Variants in DAPK1 observed in about 807,000 individuals in gnomAD.
DAPK1 encodes the protein death-associated protein kinase 1.
DAPK1 carries 56 observed loss-of-function variants against 144.9 expected under a neutral mutation model. The ratio of observed to expected loss-of-function variants is 0.39; its 90% CI spans 0.31 to 0.48. The LOEUF (loss-of-function observed/expected upper bound fraction) is 0.48, where lower values mean the gene tolerates loss of function less well. Ranked by LOEUF, DAPK1 falls within the 20% of genes least tolerant of loss-of-function variation. The pLI, the probability that DAPK1 is intolerant of heterozygous loss-of-function variation, is 0.95. For synonymous variants in DAPK1, 690 were observed against 749.0 expected, an observed-to-expected ratio of 0.92 and a Z score of 1.29; for missense variants, 1,454 against 1,875.4, an observed-to-expected ratio of 0.78 and a Z score of 4.15.
chr9:87,620,012 C>T lies in DAPK1; in HGVS notation c.284+14837C>T, dbSNP rs17053237. Among the ~76,000 whole-genome samples the T allele has an allele frequency of 3.8e-4, 58 of 150,952 alleles. No individual in the cohort carries two copies. The East Asian group carries it at 0.011, about 29-fold the overall frequency. ...TTACTCTGGCATGCATGGGCCCAGA[C>T]AGACGATGCTGTTGAAAAGGAGATC... On this transcript the variant is annotated intron_variant, in intron 3 of 25. Transcript: ENST00000408954.
At position 87,707,884 on chromosome 9, in the gene DAPK1, A is replaced by G. The variant is rs1429945334; in HGVS notation, c.*520A>G. The G allele has an allele frequency of 2.2e-6, 1 of 456,496 alleles. No individual in the cohort carries two copies. Among genetic ancestry groups the G allele is most frequent in the South Asian group, 1.6e-5 (1 of 64,406 alleles). 28.3% of individuals were successfully genotyped at this position (456,496 alleles called of 1,614,324 possible). On this transcript the variant is annotated 3_prime_UTR_variant, in exon 26 of 26. Coordinates refer to ENST00000408954, the MANE Select transcript of DAPK1 (RefSeq NM_004938.4). The surrounding 1 kb of genome is among the most constrained non-coding windows in gnomAD (Gnocchi z 4.0). ...CCCACTGTATGATTTATAAACAGACAATATGTGAGTGCCTTTTGCAGAAGA... is the reference window on the plus strand; with the variant it reads ...CCCACTGTATGATTTATAAACAGACGATATGTGAGTGCCTTTTGCAGAAGA...
Position 87,651,735 on chromosome 9 carries a change from A to C in DAPK1, c.1824+11A>C. The C allele has an allele frequency of 6.2e-7, 1 of 1,612,856 alleles. No homozygotes were observed. The highest frequency in any genetic ancestry group is 8.5e-7 in the Non-Finnish European group (1 of 1,179,146). ...GACATCTCCAACAAGGTATGCACAG[A>C]GAACAGGATCCCTACAGCTTCCAAC... On this transcript the variant is annotated intron_variant, in intron 17 of 25. Transcript: ENST00000408954.
intron 2 of DAPK1, 60 bp downstream of exon 2, chr9:87,499,199 A>T: frequency 7.2e-7 from 1 of 1,388,806 alleles, no homozygotes; most frequent in South Asian, 1.2e-5. Flanking sequence ...CGATGGGGCC[A>T]TTGGGTGGTA....
chr9:87,572,067 A>G (rs2118754178), intron 2 of DAPK1, among the ~76,000 whole-genome samples: 1 of 152,334 alleles, frequency 6.6e-6, no homozygotes, highest in Non-Finnish European at 1.5e-5. Context: ...ACAAATAGAA[A>G]GACTTGCTCA....
At chr9:87,518,029 C>T (rs576915391) in intron 2 of DAPK1, among the ~76,000 whole-genome samples, 1 of 151,776 alleles carries the variant, frequency 6.6e-6, no homozygotes, top group South Asian at 2.1e-4. Flanking sequence ...TGAAAGAAAG[C>T]AGCACGCATC....
At chr9:87,505,701 A>G (rs1452038022) in intron 2 of DAPK1, among the ~76,000 whole-genome samples, 2 of 130,148 alleles carry the variant, frequency 1.5e-5, no homozygotes, top group African/African-American at 6.0e-5. Flanking sequence ...GGCCTTTTGC[A>G]TTTTTGGAGA....
At chr9:87,681,363 C>A (rs1277458809) in intron 19 of DAPK1, 41 bp from the exon 20 acceptor site, 1 of 1,077,918 alleles carries the variant, frequency 9.3e-7, no homozygotes, top group African/African-American at 1.6e-5. Flanking sequence ...TTATTTGCCT[C>A]TTTTTCTGTC....
chr9:87,555,820 G>A (rs6560003), intron 2 of DAPK1, among the ~76,000 whole-genome samples: 20,072 of 152,144 alleles, frequency 0.13, 1,726 homozygotes, highest in East Asian at 0.33. Flanking sequence ...AAAGCTTATC[G>A]TTAAGAACAA....
chr9:87,605,139 A>G lies in DAPK1; in HGVS notation c.248A>G (p.Tyr83Cys), dbSNP rs1828667812. Reference protein sequence around the residue: ...HPNVITLHEVYENKTDVILIL... With the variant: ...HPNVITLHEVCENKTDVILIL... ...AATGTCATCACCCTGCACGAGGTCT[A>G]TGAGAACAAGACGGACGTCATCCTG... The change falls in exon 3 of 26, where the codon TAT (tyrosine) becomes TGT (cysteine). Residue 83 changes from tyrosine (Y) to cysteine (C), a missense_variant. Transcript: ENST00000408954. 6.2e-7 allele frequency: 1 copy of G among 1,614,192 alleles called. No individual in the cohort carries two copies. Among genetic ancestry groups the G allele is most frequent in the Non-Finnish European group, 8.5e-7 (1 of 1,180,014 alleles).
intron 21 of DAPK1, among the ~76,000 whole-genome samples, chr9:87,689,820 C>G (rs1244422263): frequency 6.6e-6 from 1 of 151,708 alleles, no homozygotes; most frequent in Non-Finnish European, 1.5e-5. Context: ...CTATGAATAC[C>G]TGGATTTATT....
At chr9:87,604,841 A>T in intron 2 of DAPK1, 113 bp from the exon 3 acceptor site, 2 of 909,982 alleles carry the variant, frequency 2.2e-6, no homozygotes, top group Non-Finnish European at 3.3e-6. Context: ...ACTTTCCACA[A>T]TTGGAACTTT....
intron 9 of DAPK1, 30 bp downstream of exon 9, chr9:87,640,877 T>A (rs1398174222): frequency 6.2e-7 from 1 of 1,609,788 alleles, no homozygotes; most frequent in African/African-American, 1.3e-5. Context: ...ACTGTTTAGA[T>A]CACTTTCTAT....
chr9:87,498,085 C>T lies in DAPK1; in HGVS notation c.-131C>T. The T allele has an allele frequency of 2.5e-6, 1 of 397,722 alleles. No individual in the cohort carries two copies. The highest frequency in any genetic ancestry group is 4.4e-6 in the Non-Finnish European group (1 of 225,630). 24.6% of individuals were successfully genotyped at this position (397,722 alleles called of 1,614,324 possible). ...GCCTCCGACAGCGCTCCGGAGGGAC[C>T]GGGGGAGCTCCCAGGCGCCCGGGTG... On this transcript the variant is annotated 5_prime_UTR_variant, in exon 1 of 26. Transcript: ENST00000408954.
intron 3 of DAPK1, among the ~76,000 whole-genome samples, chr9:87,606,490 T>C (rs1828718996): frequency 7.5e-6 from 1 of 132,922 alleles, no homozygotes; most frequent in African/African-American, 2.9e-5. Flanking sequence ...TTCCTCCCTC[T>C]GTCTCTCCCT....
At chr9:87,539,708 G>A (rs1023898385) in intron 2 of DAPK1, among the ~76,000 whole-genome samples, 8 of 152,036 alleles carry the variant, frequency 5.3e-5, no homozygotes, top group Admixed American at 1.3e-4. Flanking sequence ...ATAAGCCACT[G>A]GGCCCAGCCA....
At chr9:87,541,045 A>G (rs1826031709) in intron 2 of DAPK1, among the ~76,000 whole-genome samples, 1 of 152,256 alleles carries the variant, frequency 6.6e-6, no homozygotes, top group African/African-American at 2.4e-5. Flanking sequence ...AAAATACTTC[A>G]GATTCCTCAA....
At chr9:87,508,746 TTC>T (rs927465428) in intron 2 of DAPK1, among the ~76,000 whole-genome samples, 1 of 137,100 alleles carries the variant, frequency 7.3e-6, no homozygotes, top group African/African-American at 2.8e-5. Context: ...ATCAATGCCA[TTC>T]TTTTTTTTCC....
chr9:87,587,738 C>G (rs1465164534), intron 2 of DAPK1, among the ~76,000 whole-genome samples: 3 of 152,350 alleles, frequency 2.0e-5, no homozygotes, highest in South Asian at 4.1e-4. Flanking sequence ...GCCGAGGTGT[C>G]CCTAAGCCAG....
intron 23 of DAPK1, among the ~76,000 whole-genome samples, 159 bp downstream of exon 23, chr9:87,698,953 C>G (rs377639553): frequency 2.1e-4 from 32 of 152,286 alleles, no homozygotes; most frequent in African/African-American, 7.7e-4. Flanking sequence ...GGTCTTGTAT[C>G]CCTTATTGGA....
Sources: gnomAD v4.1 joint callset for allele counts (sites outside exome capture counted in the v4.1 genomes callset) on GRCh38, gnomAD v4.1.1 for gene constraint, Gnocchi (gnomAD v3.1) non-coding constraint, MANE v1.5 for transcripts, NCBI Gene and HGNC (gene_info 2026-07-23, HGNC 2026-07-21) for gene names.